The following EXOC2 variants were observed in gnomAD, a reference collection of about 807,000 sequenced individuals.
EXOC2 encodes SEC5-like 1.
In EXOC2, 70 loss-of-function variants were observed where a neutral mutation model predicts 131.8. The ratio of observed to expected loss-of-function variants is 0.53; its 90% CI spans 0.44 to 0.65. EXOC2 has a LOEUF of 0.65. Among genes scored for constraint, EXOC2 ranks in the 30% least tolerant of loss-of-function variants. EXOC2 has a pLI of 0.00. For missense variants in EXOC2, 923 were observed against 1,108.6 expected (o/e 0.83, Z 2.38); for synonymous variants, 411 against 398.4 (o/e 1.03, Z -0.38).
At chr6:577,728 G>A (rs951936924) in intron 11 of EXOC2, among the ~76,000 whole-genome samples, 1 of 152,180 alleles carries the variant, frequency 6.6e-6, no homozygotes, top group African/African-American at 2.4e-5. Flanking sequence ...TTACAGTACT[G>A]TGCATAGGAC....
At chr6:607,988 A>T (rs191817898) in intron 7 of EXOC2, among the ~76,000 whole-genome samples, 2 of 152,274 alleles carry the variant, frequency 1.3e-5, no homozygotes, top group African/African-American at 4.8e-5. Flanking sequence ...TTTAAAAAAA[A>T]ATCTTTTAAA....
At chr6:504,884 G>A (rs528001129) in intron 23 of EXOC2, among the ~76,000 whole-genome samples, 15 of 152,284 alleles carry the variant, frequency 9.9e-5, no homozygotes, top group African/African-American at 3.4e-4. Flanking sequence ...GTGGGGAGGA[G>A]CATCTTGCCA....
chr6:649,194 A>G (rs1454016658), intron 1 of EXOC2, among the ~76,000 whole-genome samples: 3 of 152,166 alleles, frequency 2.0e-5, no homozygotes, highest in Admixed American at 2.0e-4. Context: ...CCGGCCACAA[A>G]CTAATTTTAT....
chr6:577,028 T>C (rs1758623622), intron 11 of EXOC2, 146 bp from the exon 12 acceptor site: 1 of 712,546 alleles, frequency 1.4e-6, no homozygotes. Flanking sequence ...AAATAAAAAG[T>C]ATTTTCTCTA....
intron 17 of EXOC2, among the ~76,000 whole-genome samples, chr6:560,440 G>A (rs754684912): frequency 2.6e-5 from 4 of 152,120 alleles, no homozygotes; most frequent in Non-Finnish European, 5.9e-5. Flanking sequence ...TAGATTTACC[G>A]GTAATCACAT....
At chr6:647,577 C>T (rs1762632035) in intron 1 of EXOC2, among the ~76,000 whole-genome samples, 1 of 132,436 alleles carries the variant, frequency 7.6e-6, no homozygotes, top group Non-Finnish European at 1.6e-5. Context: ...TTCTGTACCA[C>T]CATATGTCCT....
In EXOC2 at chr6:490,997, T is replaced by A. The variant is rs534576434; in HGVS notation, c.2621+128A>T. Reference sequence around the variant, plus strand: ...ATTGTGTTACAAAGTGGCCTTGACATAAACTTTATCACATCACAAATTCAT... The same window carrying A: ...ATTGTGTTACAAAGTGGCCTTGACAAAAACTTTATCACATCACAAATTCAT... On this transcript the variant is annotated intron_variant, in intron 26 of 27. Transcript: ENST00000230449. 22 of 989,178 alleles carry A rather than the reference T, an allele frequency of 2.2e-5. No individual in the cohort carries two copies. The East Asian group carries it at 4.8e-4, about 22-fold the overall frequency. 61.3% of individuals were successfully genotyped at this position (989,178 alleles called of 1,614,324 possible).
chr6:656,434 T>A (rs1763095527), intron 1 of EXOC2: 1 of 1,613,764 alleles, frequency 6.2e-7, no homozygotes, highest in East Asian at 2.2e-5. Context: ...TTCGCCATCC[T>A]CTCCACGATG....
At position 555,972 on chromosome 6, in the gene EXOC2, T is replaced by A. The variant is rs1757396986; in HGVS notation, c.1974A>T (p.Leu658=). The A allele has an allele frequency of 1.2e-6, 2 of 1,614,052 alleles. No homozygotes were observed. Among genetic ancestry groups the A allele is most frequent in the South Asian group, 1.1e-5 (1 of 91,072 alleles). Residue 658 remains leucine, a synonymous_variant, in exon 19 of 28, where the codon CTA becomes CTT. Transcript: ENST00000230449. ...QPKTQEEVCQ[L]SINIMQVFIY... ...TTATTACCTGCATTATATTGATGCT[T>A]AGCTGGCAAACCTCCTCCTGTGTTT...
intron 22 of EXOC2, among the ~76,000 whole-genome samples, chr6:538,001 G>A (rs1024892042): frequency 6.6e-6 from 1 of 152,082 alleles, no homozygotes; most frequent in Admixed American, 6.5e-5. Context: ...TATGTAAAAA[G>A]CCATCAATCC....
intron 23 of EXOC2, among the ~76,000 whole-genome samples, chr6:513,717 TA>T (rs1328014533): frequency 6.6e-6 from 1 of 152,260 alleles, no homozygotes; most frequent in Non-Finnish European, 1.5e-5. Flanking sequence ...TTTATGAATT[TA>T]CTCTGGTTGT....
At chr6:625,286 C>T (rs1373834256) in intron 4 of EXOC2, among the ~76,000 whole-genome samples, 3 of 152,206 alleles carry the variant, frequency 2.0e-5, no homozygotes, top group African/African-American at 7.2e-5. Flanking sequence ...TGAGACAGCC[C>T]CAGCCACCCC....
intron 23 of EXOC2, among the ~76,000 whole-genome samples, chr6:529,713 A>G (rs1256169890): frequency 1.2e-4 from 19 of 152,328 alleles, no homozygotes; most frequent in African/African-American, 2.4e-5. Flanking sequence ...GAACTTTGAC[A>G]AAATTCATTT....
In EXOC2 at chr6:549,209, T is replaced by C; in HGVS notation, c.2204A>G (p.Lys735Arg). 1 of 1,614,210 alleles carries C rather than the reference T, an allele frequency of 6.2e-7. No homozygotes were observed. The highest frequency in any genetic ancestry group is 1.1e-5 in the South Asian group (1 of 91,084). Residue 735 changes from lysine (K) to arginine (R), a missense_variant, in exon 22 of 28, where the codon AAG (lysine) becomes AGG (arginine). By Grantham distance (26) the Lys-to-Arg change is conservative (BLOSUM62 2). Transcript: ENST00000230449. Reference protein sequence around the residue: ...TFLNIAEHFEKHNFQGIEKIT... With the variant: ...TFLNIAEHFERHNFQGIEKIT... ...TTTTTCTATTCCCTGGAAGTTGTGC[T>C]TTTCAAAATGTTCTGCGATATTTAG...
At chr6:597,444 T>C (rs1364775188) in intron 10 of EXOC2, among the ~76,000 whole-genome samples, 1 of 152,162 alleles carries the variant, frequency 6.6e-6, no homozygotes, top group Non-Finnish European at 1.5e-5. Context: ...CAAAGTGCTG[T>C]GCTGGGATTA....
At chr6:516,902 C>G (rs1460707730) in intron 23 of EXOC2, among the ~76,000 whole-genome samples, 1 of 152,236 alleles carries the variant, frequency 6.6e-6, no homozygotes, top group Non-Finnish European at 1.5e-5. Context: ...CACACACCTT[C>G]CCCAGCGCCT....
intron 23 of EXOC2, among the ~76,000 whole-genome samples, chr6:523,651 T>G (rs1266145625): frequency 6.6e-6 from 1 of 152,268 alleles, no homozygotes; most frequent in Non-Finnish European, 1.5e-5. Flanking sequence ...TGGTTTATTT[T>G]GGCAGGTGCC....
chr6:618,279 A>G (rs1313976924), intron 5 of EXOC2, among the ~76,000 whole-genome samples: 1 of 152,234 alleles, frequency 6.6e-6, no homozygotes, highest in Non-Finnish European at 1.5e-5. Context: ...GCATAATGTT[A>G]TACTTATCAG....
At chr6:628,378 T>C (rs934120045) in intron 4 of EXOC2, among the ~76,000 whole-genome samples, 4 of 152,160 alleles carry the variant, frequency 2.6e-5, no homozygotes, top group African/African-American at 9.7e-5. Flanking sequence ...CTGACACTTA[T>C]TAGGAACACT....
Sources: gnomAD v4.1 joint callset for allele counts (sites outside exome capture counted in the v4.1 genomes callset) on GRCh38, gnomAD v4.1.1 for gene constraint, MANE v1.5 for transcripts, NCBI Gene and HGNC (gene_info 2026-07-23, HGNC 2026-07-21) for gene names.